The following CCDC7 variants were observed in gnomAD, a reference collection of about 807,000 sequenced individuals.
CCDC7 encodes the protein coiled-coil domain containing 7.
Under a neutral mutation model 196.9 loss-of-function variants are expected in CCDC7, and 183 were observed. The ratio of observed to expected loss-of-function variants is 0.93; its 90% CI spans 0.82 to 1.05. The LOEUF (loss-of-function observed/expected upper bound fraction) is 1.05, where lower values mean the gene tolerates loss of function less well. Among genes scored for constraint, CCDC7 ranks in the 50% least tolerant of loss-of-function variants. The pLI, the probability that CCDC7 is intolerant of heterozygous loss-of-function variation, is 0.00. For missense variants in CCDC7, 1,540 were observed against 1,482.2 expected (o/e 1.04, Z -0.64); for synonymous variants, 525 against 484.6 (o/e 1.08, Z -1.10).
intron 31 of CCDC7, among the ~76,000 whole-genome samples, chr10:32,818,673 G>A (rs1381076658): frequency 2.6e-5 from 4 of 152,088 alleles, no homozygotes; most frequent in South Asian, 2.1e-4. Context: ...TAAAACTCAG[G>A]ATTAAGTAAC....
chr10:32,534,218 A>T (rs2050124659), intron 11 of CCDC7, among the ~76,000 whole-genome samples: 1 of 152,034 alleles, frequency 6.6e-6, no homozygotes, highest in Admixed American at 6.6e-5. Context: ...AGTTCAGCAA[A>T]TGTATTTCTC....
chr10:32,680,271 G>T (rs997413074), intron 21 of CCDC7, among the ~76,000 whole-genome samples: 6 of 152,132 alleles, frequency 3.9e-5, no homozygotes, highest in Non-Finnish European at 8.8e-5. Context: ...GCAGCAATAA[G>T]TTAAGGAATA....
intron 20 of CCDC7, among the ~76,000 whole-genome samples, chr10:32,660,882 A>C (rs1270989114): frequency 7.0e-6 from 1 of 142,978 alleles, no homozygotes; most frequent in East Asian, 2.1e-4. Flanking sequence ...CTAGAAGAAA[A>C]CCTAGGCATT....
intron 11 of CCDC7, among the ~76,000 whole-genome samples, chr10:32,520,518 T>C (rs1345138203): frequency 1.3e-5 from 2 of 152,166 alleles, no homozygotes; most frequent in Non-Finnish European, 2.9e-5. Context: ...GTATGTCTTG[T>C]TTTGAGAAAT....
At chr10:32,611,333 A>G (rs2062106909) in intron 18 of CCDC7, among the ~76,000 whole-genome samples, 2 of 152,246 alleles carry the variant, frequency 1.3e-5, no homozygotes, top group South Asian at 4.1e-4. Context: ...CCTTTGTCAG[A>G]TGGATAATTG....
chr10:32,861,869 A>C (rs1338425069), intron 41 of CCDC7, among the ~76,000 whole-genome samples: 1 of 152,122 alleles, frequency 6.6e-6, no homozygotes, highest in African/African-American at 2.4e-5. Flanking sequence ...CAATGAGATA[A>C]CATCTCATGC....
chr10:32,679,396 TG>T (rs2075520994), intron 21 of CCDC7, among the ~76,000 whole-genome samples: 1 of 152,108 alleles, frequency 6.6e-6, no homozygotes, highest in Non-Finnish European at 1.5e-5. Flanking sequence ...TAGTGCTGTT[TG>T]GGTTGCTTGT....
chr10:32,544,266 G>A (rs368851779), exon 13 of CCDC7: 1 of 1,607,096 alleles, frequency 6.2e-7, no homozygotes, highest in African/African-American at 1.3e-5. Flanking sequence ...TCCAGAAAAA[G>A]AGTTTAAAAT....
intron 28 of CCDC7, among the ~76,000 whole-genome samples, chr10:32,768,480 G>C (rs1304061403): frequency 6.6e-6 from 1 of 152,108 alleles, no homozygotes; most frequent in East Asian, 1.9e-4. Flanking sequence ...AAGATGATTT[G>C]ACTTCCTATT....
intron 5 of CCDC7, 23 bp downstream of exon 6, chr10:32,463,072 G>T (rs759926713): frequency 6.2e-7 from 1 of 1,612,024 alleles, no homozygotes; most frequent in South Asian, 1.1e-5. Flanking sequence ...TTTTAAAATT[G>T]TTAAGTTAAT....
chr10:32,870,748 CTGAT>C (rs1192381717), intron 41 of CCDC7, among the ~76,000 whole-genome samples: 27 of 152,126 alleles, frequency 1.8e-4, no homozygotes, highest in Non-Finnish European at 1.9e-4. Context: ...ATAGATAGCT[CTGAT>C]TATTTTGAGA....
chr10:32,869,263 A>G (rs966607668), intron 41 of CCDC7, among the ~76,000 whole-genome samples: 38 of 152,138 alleles, frequency 2.5e-4, no homozygotes, highest in Non-Finnish European at 8.8e-5. Flanking sequence ...TCGCCATTCT[A>G]ACTGGTGTGA....
chr10:32,535,786 C>T lies in CCDC7; in HGVS notation c.994-7514C>T, dbSNP rs186323496. 3.9e-5 allele frequency among the ~76,000 whole-genome samples: 6 copies of T among 152,234 alleles called. No homozygotes were observed. In the East Asian group the frequency reaches 9.6e-4, roughly 24 times the overall value. On this transcript the variant is annotated intron_variant, in intron 11 of 41. Transcript: ENST00000639629. ...AAGGGGAAAGATATTACGTTAATTA[C>T]GTTAATAGAAGTTATTTGCAGATGC...
chr10:32,734,063 C>T (rs2132889650), intron 28 of CCDC7, among the ~76,000 whole-genome samples: 1 of 152,258 alleles, frequency 6.6e-6, no homozygotes, highest in East Asian at 1.9e-4. Flanking sequence ...TTCAACACAG[C>T]AATCCTATTA....
chr10:32,598,299 C>A (rs969899611), intron 18 of CCDC7, among the ~76,000 whole-genome samples: 1 of 152,138 alleles, frequency 6.6e-6, no homozygotes, highest in Non-Finnish European at 1.5e-5. Flanking sequence ...TGGGACCCTC[C>A]GAGTCAGGCA....
intron 13 of CCDC7, among the ~76,000 whole-genome samples, chr10:32,559,068 G>C (rs1359628832): frequency 2.6e-5 from 4 of 152,244 alleles, no homozygotes; most frequent in Non-Finnish European, 1.5e-5. Flanking sequence ...CTGATTGCTA[G>C]CACAGCACTC....
intron 21 of CCDC7, among the ~76,000 whole-genome samples, chr10:32,676,384 T>A (rs1387842352): frequency 6.6e-6 from 1 of 151,774 alleles, no homozygotes; most frequent in Non-Finnish European, 1.5e-5. Flanking sequence ...CTAATTAAAC[T>A]GAAGAGCTTC....
At chr10:32,871,007 T>C (rs995132937) in intron 41 of CCDC7, among the ~76,000 whole-genome samples, 1 of 152,218 alleles carries the variant, frequency 6.6e-6, no homozygotes, top group African/African-American at 2.4e-5. Context: ...CAGTATTTTA[T>C]TGAGGATTTT....
intron 21 of CCDC7, among the ~76,000 whole-genome samples, chr10:32,667,543 G>A (rs2073064269): frequency 2.0e-5 from 3 of 152,122 alleles, no homozygotes; most frequent in Non-Finnish European, 4.4e-5. Flanking sequence ...ATTAATTTTT[G>A]TATAAGGTGT....
Sources: gnomAD v4.1 joint callset for allele counts (sites outside exome capture counted in the v4.1 genomes callset) on GRCh38, gnomAD v4.1.1 for gene constraint, MANE v1.5 for transcripts, NCBI Gene and HGNC (gene_info 2026-07-23, HGNC 2026-07-21) for gene names.